PANK4: variants seen among roughly 807,000 people sequenced by gnomAD.
PANK4 encodes the protein 4'-phosphopantetheine phosphatase.
PANK4 carries 40 observed loss-of-function variants against 87.9 expected under a neutral mutation model. The observed-to-expected ratio is 0.46, with a 90% CI of 0.35 to 0.59. The LOEUF is 0.59. PANK4 is among the 20% of genes least tolerant of loss of function. The pLI is 0.00. For synonymous variants in PANK4, 524 were observed against 467.4 expected (o/e 1.12, Z -1.56); for missense variants, 926 against 1,072.3 (o/e 0.86, Z 1.90).
chr1:2,523,397 T>G (rs900070291), intron 1 of PANK4, among the ~76,000 whole-genome samples: 3 of 152,174 alleles, frequency 2.0e-5, no homozygotes, highest in African/African-American at 7.2e-5. Flanking sequence ...ACATGCACCA[T>G]GCCGCCGACT....
rs959408411 is a variant in PANK4 at position 2,509,534 on chromosome 1, T to C, written c.2108+328A>G. ...ACAGAAGCAGAGCCTGGCATCTATG[T>C]GGGACACGGAGGTGACAGACACCGG... is the stretch of plus-strand genomic sequence containing the variant. On this transcript the variant is annotated intron_variant, in intron 18 of 18. Transcript: ENST00000378466. This position sits in a 1 kb window ranked among gnomAD's most constrained non-coding sequence, Gnocchi z 4.9. 7.9e-5 allele frequency among the ~76,000 whole-genome samples: 12 copies of C among 152,198 alleles called. No individual in the cohort carries two copies. The highest frequency in any genetic ancestry group is 2.9e-4 in the African/African-American group (12 of 41,444).
chr1:2,510,865 C>A lies in PANK4; in HGVS notation c.1834-83G>T. 1.2e-6 allele frequency: 1 copy of A among 838,688 alleles called. No individual in the cohort carries two copies. Among genetic ancestry groups the A allele is most frequent in the Non-Finnish European group, 2.1e-6 (1 of 486,990 alleles). 52.0% of individuals were successfully genotyped at this position (838,688 alleles called of 1,614,324 possible). Reference sequence around the variant, plus strand: ...CGCACCCCTGCTGCCCGTCACGCTGCCCTGCAGGGGCCGAGACTGGGGGCT... The same window carrying A: ...CGCACCCCTGCTGCCCGTCACGCTGACCTGCAGGGGCCGAGACTGGGGGCT... On this transcript the variant is annotated intron_variant, in intron 15 of 18. Coordinates refer to ENST00000378466, the MANE Select transcript of PANK4 (RefSeq NM_018216.4). The surrounding 1 kb of genome is among the most constrained non-coding windows in gnomAD (Gnocchi z 4.9).
chr1:2,518,505 C>A lies in PANK4; in HGVS notation c.1117+11G>T, dbSNP rs774392723. On this transcript the variant is annotated intron_variant, in intron 8 of 18. Coordinates refer to ENST00000378466, the MANE Select transcript of PANK4 (RefSeq NM_018216.4). ...CCCACGCTGCTCAGGGGCGCCAGCA[C>A]CGCGACTCACTGTCCTGCTCAGCTC... 6.4e-7 allele frequency: 1 copy of A among 1,555,402 alleles called. No individual in the cohort carries two copies. The highest frequency in any genetic ancestry group is 8.7e-7 in the Non-Finnish European group (1 of 1,148,652).
intron 1 of PANK4, chr1:2,525,570 T>C (rs913462308): frequency 7.9e-5 from 12 of 152,228 alleles, no homozygotes; most frequent in Non-Finnish European, 1.0e-4. Context: ...TGCCACTTTC[T>C]AGCCCGATGA....
At chr1:2,517,250 T>C (rs1166255317) in intron 9 of PANK4, among the ~76,000 whole-genome samples, 1 of 152,278 alleles carries the variant, frequency 6.6e-6, no homozygotes. Context: ...GCCAGTGTGG[T>C]GCGTCTGTGC....
rs1042874687 is a variant in PANK4 at position 2,513,153 on chromosome 1, C to G, written c.1576-114G>C. ...CGCCCCTCAGGATCGAAGACTCAGGCCCAACTGGGACCCCACCAGGCACAA... is the reference window on the plus strand; with the variant it reads ...CGCCCCTCAGGATCGAAGACTCAGGGCCAACTGGGACCCCACCAGGCACAA... On this transcript the variant is annotated intron_variant, in intron 12 of 18. Transcript: ENST00000378466. 2.8e-5 allele frequency: 32 copies of G among 1,146,530 alleles called. No homozygotes were observed. In the African/African-American group the frequency reaches 5.0e-4, roughly 18 times the overall value. The allele number at this position is 1,146,530 out of a possible 1,614,324, so 71.0% of individuals were successfully genotyped here. A position where few individuals can be genotyped will look rare whatever the true frequency, so the allele number is the denominator to read the frequency against.
At chr1:2,512,090 G>A (rs1038067682) in intron 13 of PANK4, among the ~76,000 whole-genome samples, 1 of 152,220 alleles carries the variant, frequency 6.6e-6, no homozygotes, top group Non-Finnish European at 1.5e-5. Context: ...GAAGCCTCTC[G>A]GTGACTGGCA....
At chr1:2,511,250 G>A in intron 15 of PANK4, 88 bp downstream of exon 15, 1 of 884,036 alleles carries the variant, frequency 1.1e-6, no homozygotes, top group Non-Finnish European at 1.9e-6. Context: ...GGCCACCCGA[G>A]GCAGCCCATG....
chr1:2,522,780 A>G (rs1643886211), intron 1 of PANK4, among the ~76,000 whole-genome samples: 1 of 151,948 alleles, frequency 6.6e-6, no homozygotes, highest in African/African-American at 2.4e-5. Flanking sequence ...AACGGAGGGG[A>G]CCGTATGGTG....
chr1:2,518,901 A>C lies in PANK4; in HGVS notation c.1035+242T>G, dbSNP rs528826646. 4.8e-4 allele frequency among the ~76,000 whole-genome samples: 73 copies of C among 152,326 alleles called. 1 individual carries two copies. Among genetic ancestry groups the C allele is most frequent in the African/African-American group, 1.7e-3 (72 of 41,584 alleles). On this transcript the variant is annotated intron_variant, in intron 7 of 18. Coordinates refer to ENST00000378466, the MANE Select transcript of PANK4 (RefSeq NM_018216.4). ...CAGGGGCACCCTGACCCCAGCGCAGATCAGCAGGCCTGCCTGGAGCTCTCT... is the reference window on the plus strand; with the variant it reads ...CAGGGGCACCCTGACCCCAGCGCAGCTCAGCAGGCCTGCCTGGAGCTCTCT...
In PANK4 at chr1:2,520,938, C is replaced by T. The variant is rs199996171; in HGVS notation, c.423-32G>A. ...AGGAAGCGCCAACCCCTTAAAGAGT[C>T]TGGGCCACAGACAGGTGCAACCATG... On this transcript the variant is annotated intron_variant, in intron 3 of 18. Transcript: ENST00000378466. This position sits in a 1 kb window ranked among gnomAD's most constrained non-coding sequence, Gnocchi z 6.2. 2.6e-6 allele frequency: 4 copies of T among 1,539,664 alleles called. No individual in the cohort carries two copies. In the African/African-American group the frequency reaches 4.1e-5, roughly 16 times the overall value.
chr1:2,515,490 TG>T lies in PANK4; in HGVS notation c.1374+71del. 3 of 1,530,176 alleles carry T rather than the reference TG, an allele frequency of 2.0e-6. No individual in the cohort carries two copies. Among genetic ancestry groups the T allele is most frequent in the Non-Finnish European group, 2.7e-6 (3 of 1,106,492 alleles). 94.8% of individuals were successfully genotyped at this position (1,530,176 alleles called of 1,614,324 possible). On this transcript the variant is annotated intron_variant, in intron 10 of 18. Transcript: ENST00000378466. The surrounding 1 kb of genome is among the most constrained non-coding windows in gnomAD (Gnocchi z 5.0). ...CTGTCCCCCTTCGCCACCTTGGCTTTGCCCCCGGAGCCTTGGAAGGTTAACC... is the reference window on the plus strand; with the variant it reads ...CTGTCCCCCTTCGCCACCTTGGCTTTCCCCCGGAGCCTTGGAAGGTTAACC...
At chr1:2,518,632 C>T (rs1570543645) in intron 7 of PANK4, 35 bp from the exon 8 acceptor site, 1 of 1,513,390 alleles carries the variant, frequency 6.6e-7, no homozygotes, top group Non-Finnish European at 9.0e-7. Flanking sequence ...TGCTGTTGGC[C>T]CCACACAACA....
chr1:2,516,360 C>G (rs1330981845), intron 9 of PANK4, among the ~76,000 whole-genome samples: 2 of 152,216 alleles, frequency 1.3e-5, no homozygotes, highest in African/African-American at 4.8e-5. Context: ...CCGGGGCCAC[C>G]TGCACCCAGC....
At chr1:2,518,089 G>T in intron 9 of PANK4, 75 bp downstream of exon 9, 2 of 872,482 alleles carry the variant, frequency 2.3e-6, no homozygotes, top group Non-Finnish European at 1.7e-6. Flanking sequence ...AAGAGGCTTC[G>T]CTCAGGGACA....
At position 2,509,673 on chromosome 1, in the gene PANK4, T is replaced by C. The variant is rs548462751; in HGVS notation, c.2108+189A>G. ...GTAACCACCTCAGACCCTGAATCCA[T>C]TCACCCTCCCCAGGCCACCTTCGGG... On this transcript the variant is annotated intron_variant, in intron 18 of 18. Transcript: ENST00000378466. The surrounding 1 kb of genome is among the most constrained non-coding windows in gnomAD (Gnocchi z 4.9). The C allele has an allele frequency of 2.1e-4, 133 of 624,912 alleles. 4 individuals carry two copies. The South Asian group carries it at 2.5e-3, about 12-fold the overall frequency. 38.7% of individuals were successfully genotyped at this position (624,912 alleles called of 1,614,324 possible).
In PANK4 at chr1:2,515,260, C is replaced by T. The variant is rs1404600163; in HGVS notation, c.1374+302G>A. The stretch of plus-strand genomic sequence containing the variant: ...TGCCTCCCGCACCTCAGTCACACCT[C>T]AAAAGAGCAGAGACGTCTCCTAAAT... On this transcript the variant is annotated intron_variant, in intron 10 of 18. Transcript: ENST00000378466. This position sits in a 1 kb window ranked among gnomAD's most constrained non-coding sequence, Gnocchi z 5.0. The T allele has an allele frequency of 1.7e-6, 1 of 578,234 alleles. No individual in the cohort carries two copies. The highest frequency in any genetic ancestry group is 3.3e-6 in the Non-Finnish European group (1 of 305,112). 35.8% of individuals were successfully genotyped at this position (578,234 alleles called of 1,614,324 possible).
chr1:2,516,781 C>T (rs940705678), intron 9 of PANK4, among the ~76,000 whole-genome samples: 4 of 152,260 alleles, frequency 2.6e-5, no homozygotes, highest in East Asian at 1.9e-4. Flanking sequence ...TTAACTACCA[C>T]GGACCACAGC....
At position 2,521,726 on chromosome 1, in the gene PANK4, A is replaced by G; in HGVS notation, c.199T>C (p.Ser67Pro). Residue 67 changes from serine to proline, a missense_variant, in exon 2 of 19, where the codon TCC (serine) becomes CCC (proline). By Grantham distance (74) the Ser-to-Pro change is moderately conservative (BLOSUM62 -1). Transcript: ENST00000378466. ...KVAKVRSFDH[S>P]GKDTEREHEP... Reference sequence around the variant, plus strand: ...CCACAGTGCAGGCTCACCTTTCCGGAGTGGTCGAAAGACCGCACCTTGGCG... The same window carrying G: ...CCACAGTGCAGGCTCACCTTTCCGGGGTGGTCGAAAGACCGCACCTTGGCG... The G allele has an allele frequency of 6.2e-7, 1 of 1,613,660 alleles. No individual in the cohort carries two copies. Among genetic ancestry groups the G allele is most frequent in the South Asian group, 1.1e-5 (1 of 91,074 alleles).
Sources: gnomAD v4.1 joint callset for allele counts (sites outside exome capture counted in the v4.1 genomes callset) on GRCh38, gnomAD v4.1.1 for gene constraint, Gnocchi (gnomAD v3.1) non-coding constraint, MANE v1.5 for transcripts, NCBI Gene and HGNC (gene_info 2026-07-23, HGNC 2026-07-21) for gene names.